The following SCN2A variants were observed in gnomAD, a reference collection of about 807,000 sequenced individuals.
SCN2A encodes the protein sodium channel protein type 2 subunit alpha.
SCN2A carries 20 observed loss-of-function variants against 188.7 expected under a neutral mutation model. The ratio of observed to expected loss-of-function variants is 0.11; its 90% CI spans 0.07 to 0.15. The LOEUF (loss-of-function observed/expected upper bound fraction) is 0.15. SCN2A is among the 10% of genes least tolerant of loss of function. The pLI is 1.00. For synonymous variants in SCN2A, 804 were observed against 833.1 expected (o/e 0.97, Z 0.60); for missense variants, 1,278 against 2,445.0 (o/e 0.52, Z 10.07).
At chr2:165,278,752 A>G (rs1388837751) in intron 1 of SCN2A, among the ~76,000 whole-genome samples, 1 of 152,120 alleles carries the variant, frequency 6.6e-6, no homozygotes, top group Non-Finnish European at 1.5e-5. Context: ...GCAACATAGT[A>G]AAACCCCATC....
At chr2:165,351,940 G>C (rs1699942361) in intron 16 of SCN2A, among the ~76,000 whole-genome samples, 1 of 151,024 alleles carries the variant, frequency 6.6e-6, no homozygotes, top group East Asian at 1.9e-4. Flanking sequence ...TAACAGGACA[G>C]AATGAGAAAT....
At chr2:165,311,559 G>A (rs10199969) in intron 7 of SCN2A, among the ~76,000 whole-genome samples, 45,569 of 151,930 alleles carry the variant, frequency 0.3, 7,160 homozygotes, top group Middle Eastern at 0.45. Flanking sequence ...ACTTCTCACA[G>A]GAAATTAAGT....
At position 165,390,768 on chromosome 2, in the gene SCN2A, G is replaced by C. The variant is rs1298678894; in HGVS notation, c.*944G>C. 6.6e-6 allele frequency: 1 copy of C among 152,346 alleles called. No individual in the cohort carries two copies. The highest frequency in any genetic ancestry group is 2.4e-5 in the African/African-American group (1 of 41,350). The allele number at this position is 152,346 out of a possible 1,614,324, so 9.4% of individuals were successfully genotyped here. A position where few individuals can be genotyped will look rare whatever the true frequency, so the allele number is the denominator to read the frequency against. Reference sequence around the variant, plus strand: ...GGCATAAAATAAAAATATCCTATCAGTCCTTTCTAAGAAGCCTGAATTGAC... The same window carrying C: ...GGCATAAAATAAAAATATCCTATCACTCCTTTCTAAGAAGCCTGAATTGAC... On this transcript the variant is annotated 3_prime_UTR_variant, in exon 27 of 27. Transcript: ENST00000375437.
Position 165,342,391 on chromosome 2 carries a change from T to C in SCN2A, c.2484T>C (p.Gly828=). The C allele has an allele frequency of 6.2e-7, 1 of 1,614,018 alleles. No individual in the cohort carries two copies. Among genetic ancestry groups the C allele is most frequent in the Non-Finnish European group, 8.5e-7 (1 of 1,179,936 alleles). Residue 828 remains glycine, a synonymous_variant, in exon 15 of 27, where the codon GGT becomes GGC. Coordinates refer to ENST00000375437, the MANE Select transcript of SCN2A (RefSeq NM_001040142.2). ...AAGAAGGCTGGAATATTTTTGATGGTTTTATTGTGAGCCTTAGTTTAATGG... is the reference window on the plus strand; with the variant it reads ...AAGAAGGCTGGAATATTTTTGATGGCTTTATTGTGAGCCTTAGTTTAATGG... The part of the protein sequence containing the change: ...YFQEGWNIFD[G]FIVSLSLMEL...
intron 8 of SCN2A, among the ~76,000 whole-genome samples, chr2:165,313,252 C>G (rs1697540730): frequency 6.6e-6 from 1 of 152,102 alleles, no homozygotes; most frequent in African/African-American, 2.4e-5. Context: ...TTACCCTGTT[C>G]CCACACTTAC....
At chr2:165,260,831 G>T (rs202035514) in intron 1 of SCN2A, among the ~76,000 whole-genome samples, 10 of 151,976 alleles carry the variant, frequency 6.6e-5, no homozygotes, top group East Asian at 3.9e-4. Flanking sequence ...TGAGTTGGGG[G>T]TGGTGGCAGG....
chr2:165,245,016 T>G (rs1206530582), intron 1 of SCN2A, among the ~76,000 whole-genome samples: 1 of 152,180 alleles, frequency 6.6e-6, no homozygotes, highest in Non-Finnish European at 1.5e-5. Flanking sequence ...AAGAGAAGAC[T>G]GACACTATCC....
At chr2:165,366,221 C>G (rs1700718277) in intron 18 of SCN2A, among the ~76,000 whole-genome samples, 2 of 152,150 alleles carry the variant, frequency 1.3e-5, no homozygotes, top group African/African-American at 2.4e-5. Flanking sequence ...GAATTGTAGA[C>G]AAATTGCCCC....
chr2:165,242,547 C>T (rs1243994045), intron 1 of SCN2A, among the ~76,000 whole-genome samples: 2 of 152,018 alleles, frequency 1.3e-5, no homozygotes, highest in Non-Finnish European at 2.9e-5. Context: ...ATGGCAGAGA[C>T]AGGGGCTCTG....
At chr2:165,358,098 T>TAAA (rs1700271549) in intron 17 of SCN2A, among the ~76,000 whole-genome samples, 1 of 152,206 alleles carries the variant, frequency 6.6e-6, no homozygotes, top group Admixed American at 6.5e-5. Flanking sequence ...TTTTATTCAA[T>TAAA]GAAAAGTAAA....
intron 15 of SCN2A, among the ~76,000 whole-genome samples, 198 bp downstream of exon 15, chr2:165,342,667 A>G (rs1219585991): frequency 2.0e-5 from 3 of 152,236 alleles, no homozygotes; most frequent in Non-Finnish European, 4.4e-5. Flanking sequence ...TGAATAGTCT[A>G]CACTTCTCTT....
intron 11 of SCN2A, 56 bp downstream of exon 11, chr2:165,315,814 C>A: frequency 6.4e-7 from 1 of 1,568,656 alleles, no homozygotes; most frequent in Non-Finnish European, 8.7e-7. Flanking sequence ...AAAAAATATG[C>A]CAGAATTTAA....
chr2:165,381,712 A>G (rs1289163372), intron 25 of SCN2A, among the ~76,000 whole-genome samples: 2 of 151,598 alleles, frequency 1.3e-5, no homozygotes, highest in Non-Finnish European at 1.5e-5. Flanking sequence ...CTACTATCCC[A>G]CCCTTAAATG....
In SCN2A at chr2:165,253,737, A is replaced by G. The variant is rs533071759; in HGVS notation, c.-52+14097A>G. 2.6e-5 allele frequency among the ~76,000 whole-genome samples: 4 copies of G among 152,164 alleles called. No individual in the cohort carries two copies. The South Asian group carries it at 8.3e-4, about 32-fold the overall frequency. ...TGATCAAGTATAGATGTTTGACAGT[A>G]TTTAAGTTTCTGAATGAATGAACCT... On this transcript the variant is annotated intron_variant, in intron 1 of 26. Transcript: ENST00000375437.
At chr2:165,293,798 T>C (rs1696340314) in intron 1 of SCN2A, 1 of 978,572 alleles carries the variant, frequency 1.0e-6, no homozygotes, top group East Asian at 1.1e-4. Context: ...AAGAAAAGCC[T>C]GTGGAAGATC....
chr2:165,304,933 G>A (rs1426879710), intron 3 of SCN2A, among the ~76,000 whole-genome samples: 1 of 152,198 alleles, frequency 6.6e-6, no homozygotes, highest in Non-Finnish European at 1.5e-5. Flanking sequence ...TACAATGGTC[G>A]TGTTAGCACA....
chr2:165,308,898 T>G (rs566950867), intron 5 of SCN2A, 104 bp downstream of exon 5: 1 of 1,401,960 alleles, frequency 7.1e-7, no homozygotes, highest in East Asian at 2.3e-5. Context: ...AGCATTTTTC[T>G]TAGTAATCAT....
At chr2:165,308,855 A>G (rs1697279466) in intron 5 of SCN2A, 61 bp downstream of exon 5, 6 of 1,599,640 alleles carry the variant, frequency 3.8e-6, no homozygotes, top group Non-Finnish European at 5.1e-6. Context: ...AGCCTATACT[A>G]TATTTTCCTT....
intron 14 of SCN2A, among the ~76,000 whole-genome samples, chr2:165,334,676 C>A (rs963222458): frequency 6.6e-6 from 1 of 151,690 alleles, no homozygotes; most frequent in Non-Finnish European, 1.5e-5. Flanking sequence ...TTAATAGTTA[C>A]TTTAGATGCT....
Sources: gnomAD v4.1 joint callset for allele counts (sites outside exome capture counted in the v4.1 genomes callset) on GRCh38, gnomAD v4.1.1 for gene constraint, MANE v1.5 for transcripts, NCBI Gene and HGNC (gene_info 2026-07-23, HGNC 2026-07-21) for gene names.